Variants in TNIK observed in about 807,000 individuals in gnomAD.
TNIK encodes the protein TRAF2 and NCK-interacting protein kinase.
TNIK carries 49 observed loss-of-function variants against 191.3 expected under a neutral mutation model. That is an observed-to-expected ratio of 0.26 (90% CI 0.20 to 0.32). TNIK has a LOEUF of 0.32. TNIK is among the 10% of genes least tolerant of loss of function. TNIK has a pLI of 1.00. For missense variants in TNIK, 1,155 were observed against 1,702.3 expected, an observed-to-expected ratio of 0.68 and a Z score of 5.66; for synonymous variants, 594 against 600.9, an observed-to-expected ratio of 0.99 and a Z score of 0.17.
chr3:171,261,061 C>T (rs1028769842), intron 2 of TNIK, among the ~76,000 whole-genome samples: 4 of 152,160 alleles, frequency 2.6e-5, no homozygotes, highest in South Asian at 4.1e-4. Context: ...GAGATTTTGT[C>T]GGCTCTCCTT....
chr3:171,163,510 A>T (rs374642316), intron 10 of TNIK, among the ~76,000 whole-genome samples: 56 of 152,348 alleles, frequency 3.7e-4, no homozygotes, highest in African/African-American at 1.3e-3. Context: ...GTGTATTTTT[A>T]AAATCACAAC....
At position 171,333,584 on chromosome 3, in the gene TNIK, G is replaced by GA. The variant is rs562856294; in HGVS notation, c.123+36035dup. On this transcript the variant is annotated intron_variant, in intron 2 of 32. Coordinates refer to ENST00000436636, the MANE Select transcript of TNIK (RefSeq NM_015028.4). ...GAGACTCAGATGTCTCAAAAAGAAAGAAAAAAAAAAAAAAAAAAAACCTAC... is the reference window on the plus strand; with the variant it reads ...GAGACTCAGATGTCTCAAAAAGAAAGAAAAAAAAAAAAAAAAAAAAACCTAC... 6.2e-3 allele frequency among the ~76,000 whole-genome samples: 713 copies of GA among 114,248 alleles called. 4 individuals carry two copies. Among genetic ancestry groups the GA allele is most frequent in the Middle Eastern group, 0.035 (7 of 198 alleles). The allele number at this position is 114,248 out of a possible 152,430, so 75.0% of individuals were successfully genotyped here.
chr3:171,091,130 A>G (rs1722001470), intron 23 of TNIK, among the ~76,000 whole-genome samples: 1 of 152,064 alleles, frequency 6.6e-6, no homozygotes, highest in African/African-American at 2.4e-5. Context: ...CCTCGGTTAA[A>G]CATTTTTTCT....
At chr3:171,119,384 G>T (rs568728152) in intron 18 of TNIK, among the ~76,000 whole-genome samples, 2 of 152,166 alleles carry the variant, frequency 1.3e-5, no homozygotes, top group Non-Finnish European at 2.9e-5. Context: ...ACAGTGTGGC[G>T]ATTCCTCAGG....
At chr3:171,401,560 G>T (rs1162573810) in intron 1 of TNIK, among the ~76,000 whole-genome samples, 1 of 151,944 alleles carries the variant, frequency 6.6e-6, no homozygotes, top group Non-Finnish European at 1.5e-5. Context: ...AGGGCTTAGG[G>T]AGCAGTGAAG....
chr3:171,142,729 A>AC (rs1009989238), intron 12 of TNIK, among the ~76,000 whole-genome samples: 3 of 152,220 alleles, frequency 2.0e-5, no homozygotes, highest in African/African-American at 7.2e-5. Flanking sequence ...TGGATTACAG[A>AC]CCCAAAACAG....
At chr3:171,208,036 A>C (rs370363408) in intron 4 of TNIK, among the ~76,000 whole-genome samples, 33 of 152,326 alleles carry the variant, frequency 2.2e-4, no homozygotes, top group African/African-American at 7.5e-4. Flanking sequence ...TGCTGAACTT[A>C]AGAGAAATTT....
At chr3:171,342,448 C>G (rs1757634344) in intron 2 of TNIK, among the ~76,000 whole-genome samples, 1 of 152,104 alleles carries the variant, frequency 6.6e-6, no homozygotes, top group Non-Finnish European at 1.5e-5. Flanking sequence ...GTTGCAATCA[C>G]TCAGAAATCA....
At chr3:171,353,553 GA>G (rs1437291241) in intron 2 of TNIK, among the ~76,000 whole-genome samples, 1 of 152,086 alleles carries the variant, frequency 6.6e-6, no homozygotes, top group African/African-American at 2.4e-5. Flanking sequence ...AGCTTTTAAA[GA>G]GACACATTAA....
chr3:171,154,570 C>T (rs1346032047), intron 12 of TNIK, among the ~76,000 whole-genome samples: 1 of 152,216 alleles, frequency 6.6e-6, no homozygotes, highest in Admixed American at 6.5e-5. Flanking sequence ...CAGAATCAAA[C>T]ATCACCACAA....
chr3:171,204,059 C>G (rs1033339189), intron 4 of TNIK, among the ~76,000 whole-genome samples: 4 of 152,174 alleles, frequency 2.6e-5, no homozygotes, highest in African/African-American at 9.7e-5. Flanking sequence ...ATTTACTAAA[C>G]AGTATTTCTC....
intron 2 of TNIK, among the ~76,000 whole-genome samples, chr3:171,343,968 T>C (rs947581214): frequency 6.6e-6 from 1 of 152,218 alleles, no homozygotes; most frequent in Admixed American, 6.5e-5. Flanking sequence ...CAGTCTAGTC[T>C]GAGCAGAAAT....
At chr3:171,092,423 C>A (rs1364386661) in intron 23 of TNIK, among the ~76,000 whole-genome samples, 1 of 152,170 alleles carries the variant, frequency 6.6e-6, no homozygotes, top group African/African-American at 2.4e-5. Context: ...CATTAGAAAT[C>A]GGAGTCCTTT....
At chr3:171,113,258 T>C (rs563864214) in intron 18 of TNIK, among the ~76,000 whole-genome samples, 35 of 152,328 alleles carry the variant, frequency 2.3e-4, no homozygotes, top group Non-Finnish European at 5.0e-4. Flanking sequence ...GCAGGAAGTC[T>C]TTATATGCTT....
At chr3:171,295,790 C>T (rs1752224807) in intron 2 of TNIK, among the ~76,000 whole-genome samples, 1 of 152,180 alleles carries the variant, frequency 6.6e-6, no homozygotes, top group South Asian at 2.1e-4. Context: ...GCAACTCCAC[C>T]AACCCCACTT....
Position 171,253,591 on chromosome 3 carries a change from C to A in TNIK, c.124-25370G>T, listed in dbSNP as rs183844189. 2.0e-4 allele frequency among the ~76,000 whole-genome samples: 26 copies of A among 130,194 alleles called. No individual in the cohort carries two copies. The East Asian group carries it at 3.0e-3, about 15-fold the overall frequency. 85.4% of individuals were successfully genotyped at this position (130,194 alleles called of 152,430 possible). A position where few individuals can be genotyped will look rare whatever the true frequency, so the allele number is the denominator to read the frequency against. On this transcript the variant is annotated intron_variant, in intron 2 of 32. Coordinates refer to ENST00000436636, the MANE Select transcript of TNIK (RefSeq NM_015028.4). ...AAGAAAAGAAATCAGAAGACAGGTC[C>A]CCCCCCCACCCCACCCCCAGTTATC...
intron 23 of TNIK, among the ~76,000 whole-genome samples, chr3:171,089,309 G>A (rs1214971011): frequency 6.6e-6 from 1 of 152,170 alleles, no homozygotes; most frequent in Non-Finnish European, 1.5e-5. Context: ...TGACATTTAG[G>A]AAATTCAGTC....
intron 1 of TNIK, among the ~76,000 whole-genome samples, chr3:171,400,852 G>T (rs908723423): frequency 1.3e-5 from 2 of 152,120 alleles, no homozygotes; most frequent in African/African-American, 4.8e-5. Flanking sequence ...AGCGTCCTTC[G>T]GATTTGGCTT....
At chr3:171,079,484 G>A (rs1322003413) in intron 28 of TNIK, 34 bp downstream of exon 28, 1 of 1,602,530 alleles carries the variant, frequency 6.2e-7, no homozygotes. Context: ...TGAGTAAACA[G>A]ACCAAACTTA....
Sources: allele counts gnomAD v4.1 joint callset (sites outside exome capture counted in the v4.1 genomes callset), GRCh38; gene constraint gnomAD v4.1.1; transcripts MANE v1.5; gene names NCBI Gene and HGNC (gene_info 2026-07-23, HGNC 2026-07-21).